Variants in B4GALT1 observed in about 807,000 individuals in gnomAD.
B4GALT1 encodes beta-1,4-galactosyltransferase 1.
Under a neutral mutation model 34.9 loss-of-function variants are expected in B4GALT1, and 16 were observed. The ratio of observed to expected loss-of-function variants is 0.46; its 90% CI spans 0.31 to 0.70. The LOEUF is 0.70. B4GALT1 is among the 30% of genes least tolerant of loss of function. B4GALT1 has a pLI of 0.05. For synonymous variants in B4GALT1, 221 were observed against 218.1 expected (o/e 1.01, Z -0.12); for missense variants, 445 against 530.5 (o/e 0.84, Z 1.58).
the B4GALT1 span, among the ~76,000 whole-genome samples, chr9:33,174,978 AAAAAAAAAAAAAATATATATAT>A: frequency 1.5e-4 from 3 of 20,000 alleles, no homozygotes; most frequent in Non-Finnish European, 3.9e-4. Flanking sequence ...AAAAAAAAAA[AAAAAAAAAAAAAATATATATAT>A]ATATATATAT....
chr9:33,183,163 G>T, the B4GALT1 span, among the ~76,000 whole-genome samples: 1 of 152,018 alleles, frequency 6.6e-6, no homozygotes, highest in Non-Finnish European at 1.5e-5. Context: ...CCTGTCCCTT[G>T]CCATCCCACC....
intron 1 of B4GALT1, among the ~76,000 whole-genome samples, chr9:33,153,358 A>C (rs1840550102): frequency 6.6e-6 from 1 of 152,186 alleles, no homozygotes; most frequent in Non-Finnish European, 1.5e-5. Flanking sequence ...AAAAGCAAGC[A>C]GAATGAAAGA....
At chr9:33,150,022 A>T (rs1007668439) in intron 1 of B4GALT1, among the ~76,000 whole-genome samples, 4 of 152,166 alleles carry the variant, frequency 2.6e-5, no homozygotes, top group African/African-American at 9.7e-5. Context: ...AAATGTTTCA[A>T]TGTTGATGTC....
chr9:33,157,357 C>A (rs1287596208), intron 1 of B4GALT1, among the ~76,000 whole-genome samples: 1 of 152,108 alleles, frequency 6.6e-6, no homozygotes, highest in Non-Finnish European at 1.5e-5. Flanking sequence ...GAATTTATCC[C>A]AGGAAAGTAA....
chr9:33,106,204 C>A (rs1244217939), downstream of B4GALT1, among the ~76,000 whole-genome samples: 1 of 152,132 alleles, frequency 6.6e-6, no homozygotes, highest in Admixed American at 6.5e-5. Flanking sequence ...AAAATAATAA[C>A]CATCCAAATT....
intron 2 of B4GALT1, among the ~76,000 whole-genome samples, chr9:33,124,560 G>A (rs752664924): frequency 2.0e-5 from 3 of 152,114 alleles, no homozygotes; most frequent in South Asian, 2.1e-4. Flanking sequence ...GACCCAGCCC[G>A]GGGAGGCTGA....
chr9:33,115,959 G>C lies in B4GALT1; in HGVS notation c.959+32C>G, dbSNP rs879226718. Reference sequence around the variant, plus strand: ...AAAAAACTGGAAGTGAAGGTTGACAGAGGAGAAAGATATCTAAGTTATGAC... The same window carrying C: ...AAAAAACTGGAAGTGAAGGTTGACACAGGAGAAAGATATCTAAGTTATGAC... On this transcript the variant is annotated intron_variant, in intron 4 of 5. Coordinates refer to ENST00000379731, the MANE Select transcript of B4GALT1 (RefSeq NM_001497.4). 12 of 1,602,154 alleles carry C rather than the reference G, an allele frequency of 7.5e-6. No individual in the cohort carries two copies. In the South Asian group the frequency reaches 1.3e-4, roughly 18 times the overall value.
At chr9:33,149,131 C>A (rs1416738713) in intron 1 of B4GALT1, among the ~76,000 whole-genome samples, 2 of 149,734 alleles carry the variant, frequency 1.3e-5, no homozygotes, top group Non-Finnish European at 1.5e-5. Flanking sequence ...CTGATTCAGG[C>A]AAGAATCATT....
At position 33,111,979 on chromosome 9, in the gene B4GALT1, A is replaced by G. The variant is rs1839869458; in HGVS notation, c.*1475T>C. The G allele has an allele frequency of 6.6e-6, 1 of 152,670 alleles. No individual in the cohort carries two copies. Among genetic ancestry groups the G allele is most frequent in the Admixed American group, 6.5e-5 (1 of 15,286 alleles). 9.5% of individuals were successfully genotyped at this position (152,670 alleles called of 1,614,324 possible). A position where few individuals can be genotyped will look rare whatever the true frequency, so the allele number is the denominator to read the frequency against. ...CGGCTGAACTTCTTTCTAGATCACT[A>G]ATTAAAAGGCACATTCATGCTGGGG... On this transcript the variant is annotated 3_prime_UTR_variant, in exon 6 of 6. Transcript: ENST00000379731.
chr9:33,139,552 T>C (rs558870229), intron 1 of B4GALT1, among the ~76,000 whole-genome samples: 1 of 152,142 alleles, frequency 6.6e-6, no homozygotes, highest in Non-Finnish European at 1.5e-5. Context: ...GAATGACTAA[T>C]TGGGTCGAGT....
In B4GALT1 at chr9:33,113,493, C is replaced by A. The variant is rs982601787; in HGVS notation, c.1158G>T (p.Leu386Phe). The A allele has an allele frequency of 1.2e-6, 2 of 1,614,080 alleles. No individual in the cohort carries two copies. Among genetic ancestry groups the A allele is most frequent in the African/African-American group, 2.7e-5 (2 of 74,924 alleles). Residue 386 changes from leucine to phenylalanine, a missense_variant, in exon 6 of 6, where the codon TTG (leucine) becomes TTT (phenylalanine). Transcript: ENST00000379731. ...YQVLDVQRYP[L>F]YTQITVDIGT... The stretch of plus-strand genomic sequence containing the variant: ...CGATGTCCACTGTGATTTGGGTATA[C>A]AATGGGTATCTCTGTACATCCAGCA...
chr9:33,140,419 T>C (rs1170147263), intron 1 of B4GALT1, among the ~76,000 whole-genome samples: 3 of 152,200 alleles, frequency 2.0e-5, no homozygotes, highest in Admixed American at 6.5e-5. Context: ...CTTCTTACTC[T>C]TTGAATATTA....
chr9:33,104,929 C>G lies in B4GALT1; in HGVS notation c.649-148G>C. 4 of 360,558 alleles carry G rather than the reference C, an allele frequency of 1.1e-5. 1 individual carries two copies. The highest frequency in any genetic ancestry group is 8.6e-5 in the South Asian group (4 of 46,404). The allele number at this position is 360,558 out of a possible 1,614,324, so 22.3% of individuals were successfully genotyped here. On this transcript the variant is annotated intron_variant, in intron 2 of 2. Transcript: ENST00000535206. Reference sequence around the variant, plus strand: ...CCACCTCTTGGGTTCAAACAATTCTCCTGCCTCAGCCTCCTGAGTGCCTGG... The same window carrying G: ...CCACCTCTTGGGTTCAAACAATTCTGCTGCCTCAGCCTCCTGAGTGCCTGG...
intron 1 of B4GALT1, among the ~76,000 whole-genome samples, chr9:33,135,689 C>G (rs1269491482): frequency 1.3e-5 from 2 of 152,202 alleles, no homozygotes; most frequent in East Asian, 1.9e-4. Flanking sequence ...TGCCCAGGAC[C>G]CTCCCCGCTC....
intron 4 of B4GALT1, among the ~76,000 whole-genome samples, chr9:33,114,415 C>A (rs546689513): frequency 6.6e-6 from 1 of 152,150 alleles, no homozygotes; most frequent in Admixed American, 6.5e-5. Context: ...TGGGGTAGGA[C>A]GTGGCAGGTG....
At chr9:33,119,426 T>C (rs770708269) in intron 3 of B4GALT1, among the ~76,000 whole-genome samples, 4 of 152,160 alleles carry the variant, frequency 2.6e-5, no homozygotes, top group South Asian at 4.1e-4. Context: ...TTCCTTCTTA[T>C]AGGGCCAAGG....
In B4GALT1 at chr9:33,111,276, A is replaced by AAAAAAAAAAAAAAAAAAAAAAAC. The variant is rs1564033760; in HGVS notation, c.*2177_*2178insGTTTTTTTTTTTTTTTTTTTTTT. ...AAAAAAAAAAAAAAAAAAAAAAAAA[A>AAAAAAAAAAAAAAAAAAAAAAAC]AACAACAAGAAAAGGTAGAGTTTGG... On this transcript the variant is annotated 3_prime_UTR_variant, in exon 6 of 6. Coordinates refer to ENST00000379731, the MANE Select transcript of B4GALT1 (RefSeq NM_001497.4). 7 of 105,932 alleles carry AAAAAAAAAAAAAAAAAAAAAAAC rather than the reference A, an allele frequency of 6.6e-5. No individual in the cohort carries two copies. Among genetic ancestry groups the AAAAAAAAAAAAAAAAAAAAAAAC allele is most frequent in the Non-Finnish European group, 1.0e-4 (5 of 49,228 alleles). The allele number at this position is 105,932 out of a possible 1,614,324, so 6.6% of individuals were successfully genotyped here.
At chr9:33,110,224 T>A (rs1359807008), downstream of B4GALT1, among the ~76,000 whole-genome samples, 1 of 152,256 alleles carries the variant, frequency 6.6e-6, no homozygotes, top group Non-Finnish European at 1.5e-5. Flanking sequence ...TTCCTGAGAC[T>A]GACAAGAAAC....
intron 2 of B4GALT1, among the ~76,000 whole-genome samples, chr9:33,134,032 C>T (rs1429179302): frequency 6.6e-6 from 1 of 152,238 alleles, no homozygotes; most frequent in Admixed American, 6.5e-5. Flanking sequence ...CATCCAATCA[C>T]AGGATATTTG....
Sources: allele counts gnomAD v4.1 joint callset (sites outside exome capture counted in the v4.1 genomes callset), GRCh38; gene constraint gnomAD v4.1.1; transcripts MANE v1.5; gene names NCBI Gene and HGNC (gene_info 2026-07-23, HGNC 2026-07-21).